Variants in FBXW10B observed in about 807,000 individuals in gnomAD.
FBXW10B encodes F-box and WD repeat domain containing 10B, also known as F-box and WD repeat domain containing protein 10B.
chr17:15,592,639 T>C, the FBXW10B span, among the ~76,000 whole-genome samples: 2 of 151,368 alleles, frequency 1.3e-5, no homozygotes, highest in Non-Finnish European at 2.9e-5. Context: ...CCCACTCTCC[T>C]ATATGTCTCT....
At chr17:15,611,450 C>T in the FBXW10B span, among the ~76,000 whole-genome samples, 7 of 152,164 alleles carry the variant, frequency 4.6e-5, no homozygotes, top group African/African-American at 1.4e-4. Flanking sequence ...GATGGTCTAG[C>T]GGTCAGGGGC....
the FBXW10B span, among the ~76,000 whole-genome samples, chr17:15,602,917 G>A: frequency 2.6e-5 from 3 of 116,656 alleles, no homozygotes; most frequent in Non-Finnish European, 5.0e-5. Flanking sequence ...GTGAGCCACC[G>A]CGCCCGGCGA....
At chr17:15,576,831 G>T in the FBXW10B span, among the ~76,000 whole-genome samples, 6 of 150,026 alleles carry the variant, frequency 4.0e-5, no homozygotes, top group Non-Finnish European at 8.9e-5. Context: ...TGAAATGAAT[G>T]ATGAAGATGG....
chr17:15,587,124 A>G, the FBXW10B span, among the ~76,000 whole-genome samples: 2 of 151,632 alleles, frequency 1.3e-5, no homozygotes, highest in East Asian at 1.9e-4. Flanking sequence ...GCCAGTTAGT[A>G]TAAGTGTAAG....
chr17:15,566,803 A>G, the FBXW10B span, among the ~76,000 whole-genome samples: 3 of 150,168 alleles, frequency 2.0e-5, no homozygotes, highest in African/African-American at 7.3e-5. Flanking sequence ...TGACCTCGTG[A>G]TCCGCCCGCC....
chr17:15,612,867 T>C, the FBXW10B span: 1 of 1,600,978 alleles, frequency 6.2e-7, no homozygotes, highest in South Asian at 1.1e-5. Context: ...AGAAAATGGC[T>C]TCTCTTGGCT....
chr17:15,589,149 A>G, the FBXW10B span: 1 of 1,612,094 alleles, frequency 6.2e-7, no homozygotes. Flanking sequence ...TTCCTCCCTG[A>G]GCTGTAGCAC....
chr17:15,583,003 G>A, the FBXW10B span, among the ~76,000 whole-genome samples: 1 of 147,038 alleles, frequency 6.8e-6, no homozygotes, highest in African/African-American at 2.5e-5. Flanking sequence ...TCTTGGTGAG[G>A]TGAATTAAAC....
the FBXW10B span, among the ~76,000 whole-genome samples, chr17:15,583,408 G>A: frequency 2.9e-4 from 43 of 146,390 alleles, no homozygotes; most frequent in South Asian, 4.7e-3. Context: ...TGACTGCCCC[G>A]TGTTCCCTGC....
the FBXW10B span, among the ~76,000 whole-genome samples, chr17:15,582,013 A>G: frequency 9.4e-5 from 14 of 149,458 alleles, no homozygotes; most frequent in African/African-American, 3.6e-4. Flanking sequence ...AAAAAGGACT[A>G]ATAAAAAAAA....
At chr17:15,609,530 T>C in the FBXW10B span, among the ~76,000 whole-genome samples, 1 of 151,190 alleles carries the variant, frequency 6.6e-6, no homozygotes, top group Middle Eastern at 3.4e-3. Flanking sequence ...GGGAAAGACC[T>C]GAGTTTAAAT....
the FBXW10B span, among the ~76,000 whole-genome samples, chr17:15,577,557 A>G: frequency 6.8e-6 from 1 of 147,662 alleles, no homozygotes; most frequent in Non-Finnish European, 1.5e-5. Flanking sequence ...GTTAACTGTC[A>G]TAGTAACTTA....
the FBXW10B span, among the ~76,000 whole-genome samples, chr17:15,575,273 T>A: frequency 1.4e-5 from 2 of 144,062 alleles, no homozygotes; most frequent in African/African-American, 2.9e-5. Flanking sequence ...TCTTATGGTC[T>A]TCCGTGCTGT....
chr17:15,612,716 C>A, the FBXW10B span: 5 of 1,614,076 alleles, frequency 3.1e-6, no homozygotes, highest in Non-Finnish European at 4.2e-6. Flanking sequence ...TTCTCAACTT[C>A]CACTTCGGAT....
chr17:15,605,172 G>A, the FBXW10B span: 1 of 1,584,822 alleles, frequency 6.3e-7, no homozygotes, highest in African/African-American at 1.4e-5. Flanking sequence ...TCCATGAGCT[G>A]CCTCTAGGCC....
the FBXW10B span, among the ~76,000 whole-genome samples, chr17:15,592,297 T>TTTG: frequency 5.0e-4 from 8 of 16,094 alleles, no homozygotes; most frequent in African/African-American, 8.0e-4. Flanking sequence ...TGGCCAGAGT[T>TTTG]TTTTTTTTTT....
chr17:15,593,431 G>T, the FBXW10B span: 2 of 1,614,074 alleles, frequency 1.2e-6, no homozygotes, highest in Non-Finnish European at 1.7e-6. Flanking sequence ...TTGTAAATTC[G>T]GATCTTGCCA....
the FBXW10B span, among the ~76,000 whole-genome samples, chr17:15,616,335 ATT>A: frequency 6.6e-6 from 1 of 151,280 alleles, no homozygotes; most frequent in African/African-American, 2.4e-5. Context: ...ACACCTGGCT[ATT>A]TTTTGTATTT....
the FBXW10B span, among the ~76,000 whole-genome samples, chr17:15,601,799 T>A: frequency 6.6e-6 from 1 of 152,144 alleles, no homozygotes; most frequent in Admixed American, 6.5e-5. Flanking sequence ...AAAACTTATA[T>A]ACTATAGCTG....
Sources: gnomAD v4.1 joint callset for allele counts (sites outside exome capture counted in the v4.1 genomes callset) on GRCh38, gnomAD v4.1.1 for gene constraint, MANE v1.5 for transcripts, NCBI Gene and HGNC (gene_info 2026-07-23, HGNC 2026-07-21) for gene names.